The following PRH1 variants were observed in gnomAD, a reference collection of about 807,000 sequenced individuals.
PRH1 encodes the protein proline rich protein HaeIII subfamily 1.
In PRH1, 7 loss-of-function variants were observed where a neutral mutation model predicts 7.9. That is an observed-to-expected ratio of 0.89 (90% CI 0.50 to 1.67). The LOEUF (loss-of-function observed/expected upper bound fraction) is 1.67, where lower values mean the gene tolerates loss of function less well. PRH1 is among the 40% of genes most tolerant of loss of function. The pLI, the probability that PRH1 is intolerant of heterozygous loss-of-function variation, is 0.00. For synonymous variants in PRH1, 45 were observed against 80.8 expected (o/e 0.56, Z 2.38); for missense variants, 109 against 223.6 (o/e 0.49, Z 3.27).
At chr12:11,170,038 T>C (rs747610803) in intron 1 of PRH1, among the ~76,000 whole-genome samples, 21 of 152,170 alleles carry the variant, frequency 1.4e-4, no homozygotes, top group South Asian at 4.1e-4. Flanking sequence ...ATCTCAACAA[T>C]GCTTTTCAGA....
chr12:11,118,607 A>C (rs913054262), downstream of PRH1, among the ~76,000 whole-genome samples: 1 of 152,220 alleles, frequency 6.6e-6, no homozygotes, highest in African/African-American at 2.4e-5. Flanking sequence ...TGTATCAAAC[A>C]GGTATCCACA....
At chr12:11,169,284 C>T (rs575876248) in intron 1 of PRH1, among the ~76,000 whole-genome samples, 1 of 152,194 alleles carries the variant, frequency 6.6e-6, no homozygotes, top group Admixed American at 6.5e-5. Context: ...GCATTCAAAT[C>T]TAAACATCAA....
At chr12:10,941,761 G>T (rs1305668265) in intron 2 of PRH1, among the ~76,000 whole-genome samples, 2 of 152,008 alleles carry the variant, frequency 1.3e-5, no homozygotes, top group East Asian at 3.9e-4. Context: ...CATTGCTGGT[G>T]AGCTAGTGTG....
chr12:11,062,213 C>T, intron 1 of PRH1: 3 of 1,613,230 alleles, frequency 1.9e-6, no homozygotes, highest in Admixed American at 1.7e-5. Flanking sequence ...TTTACCAATG[C>T]TATGAAGCCA....
intron 1 of PRH1, among the ~76,000 whole-genome samples, chr12:11,150,562 T>C (rs930307513): frequency 1.3e-5 from 2 of 151,910 alleles, no homozygotes; most frequent in African/African-American, 4.8e-5. Context: ...CAGTAAACTA[T>C]GGCAAGGACA....
chr12:11,116,314 C>T (rs981580794), downstream of PRH1, among the ~76,000 whole-genome samples: 1 of 151,882 alleles, frequency 6.6e-6, no homozygotes, highest in Admixed American at 6.6e-5. Context: ...CAGGCACATA[C>T]AACCTACAAA....
intron 1 of PRH1, among the ~76,000 whole-genome samples, chr12:11,064,118 C>T (rs184193464): frequency 1.1e-3 from 160 of 152,186 alleles, no homozygotes; most frequent in South Asian, 1.9e-3. Context: ...CTTTCCAAGT[C>T]CCTAAACATT....
chr12:10,910,620 G>A (rs1949884501), intron 2 of PRH1, among the ~76,000 whole-genome samples: 2 of 152,046 alleles, frequency 1.3e-5, no homozygotes, highest in Non-Finnish European at 2.9e-5. Context: ...GGACTAATGT[G>A]TTCATTGTGA....
intron 1 of PRH1, among the ~76,000 whole-genome samples, chr12:11,026,487 A>G (rs1941925259): frequency 7.6e-6 from 1 of 131,648 alleles, no homozygotes; most frequent in South Asian, 2.3e-4. Context: ...CGTGAACTGT[A>G]GAGTAAAGGA....
intron 1 of PRH1, among the ~76,000 whole-genome samples, chr12:11,035,612 A>G (rs918467645): frequency 6.6e-6 from 1 of 152,166 alleles, no homozygotes. Flanking sequence ...TGAAAATGGT[A>G]ACCATATTTT....
chr12:11,062,075 C>A, intron 1 of PRH1: 1 of 1,613,690 alleles, frequency 6.2e-7, no homozygotes, highest in Non-Finnish European at 8.5e-7. Context: ...CTGTTAAAAG[C>A]TGGATTCAAC....
chr12:10,917,596 G>A (rs1323710503), intron 2 of PRH1, among the ~76,000 whole-genome samples: 1 of 152,214 alleles, frequency 6.6e-6, no homozygotes, highest in East Asian at 1.9e-4. Flanking sequence ...GTGAAGTCTA[G>A]TGTTCTCAGA....
At chr12:11,016,384 G>A (rs973969134) in intron 1 of PRH1, among the ~76,000 whole-genome samples, 1 of 152,274 alleles carries the variant, frequency 6.6e-6, no homozygotes, top group East Asian at 1.9e-4. Flanking sequence ...CACTGCATGC[G>A]GCCAGCAACG....
intron 2 of PRH1, among the ~76,000 whole-genome samples, chr12:10,924,013 TG>T (rs1950089627): frequency 6.8e-6 from 1 of 148,028 alleles, no homozygotes; most frequent in Non-Finnish European, 1.5e-5. Flanking sequence ...TTTTTTTTTT[TG>T]AGACGGAGTC....
intron 2 of PRH1, among the ~76,000 whole-genome samples, chr12:10,899,676 C>T (rs963670930): frequency 3.3e-5 from 5 of 152,182 alleles, no homozygotes; most frequent in African/African-American, 1.2e-4. Flanking sequence ...TAAGCAGATG[C>T]TAATGCCATG....
intron 1 of PRH1, chr12:10,986,059 C>T: frequency 2.5e-6 from 4 of 1,614,016 alleles, no homozygotes; most frequent in Non-Finnish European, 3.4e-6. Flanking sequence ...TATATGTTTC[C>T]AACAGCCTTG....
intron 2 of PRH1, among the ~76,000 whole-genome samples, chr12:10,940,807 C>G (rs1195632476): frequency 1.3e-5 from 2 of 152,156 alleles, no homozygotes; most frequent in Non-Finnish European, 2.9e-5. Context: ...AAATATGCCT[C>G]ATAAACGTCA....
At chr12:10,978,702 A>G (rs1453617656) in intron 1 of PRH1, among the ~76,000 whole-genome samples, 1 of 152,178 alleles carries the variant, frequency 6.6e-6, no homozygotes. Flanking sequence ...TTCAGAATCT[A>G]TAAGGAACTT....
At chr12:11,047,108 CAGA>C (rs1942929940) in exon 1 of PRH1, 4 of 467,482 alleles carry the variant, frequency 8.6e-6, no homozygotes, top group Non-Finnish European at 4.5e-6. Context: ...AGAACTGACA[CAGA>C]AGAACTTCCA....
Sources: gnomAD v4.1 joint callset for allele counts (sites outside exome capture counted in the v4.1 genomes callset) on GRCh38, gnomAD v4.1.1 for gene constraint, MANE v1.5 for transcripts, NCBI Gene and HGNC (gene_info 2026-07-23, HGNC 2026-07-21) for gene names.